Variants in FNDC3A observed in about 807,000 individuals in gnomAD.
FNDC3A encodes fibronectin type III domain containing 3A, also known as fibronectin type-III domain-containing protein 3A.
FNDC3A carries 32 observed loss-of-function variants against 148.9 expected under a neutral mutation model. The observed-to-expected ratio is 0.21, with a 90% CI of 0.16 to 0.29. The LOEUF is 0.29. Among genes scored for constraint, FNDC3A ranks in the 10% least tolerant of loss-of-function variants. The pLI is 1.00. For missense variants in FNDC3A, 1,191 were observed against 1,452.8 expected, an observed-to-expected ratio of 0.82 and a Z score of 2.93; for synonymous variants, 472 against 473.6, an observed-to-expected ratio of 1.00 and a Z score of 0.04.
At chr13:48,995,524 C>G (rs1952007537) in intron 1 of FNDC3A, among the ~76,000 whole-genome samples, 1 of 152,116 alleles carries the variant, frequency 6.6e-6, no homozygotes, top group South Asian at 2.1e-4. Context: ...TGATTAATAG[C>G]ACTGTCTTCT....
In FNDC3A at chr13:49,124,142, C is replaced by T. The variant is rs138613529; in HGVS notation, c.253-6995C>T. Among the ~76,000 whole-genome samples, 1,026 of 152,230 alleles carry T rather than the reference C, an allele frequency of 6.7e-3. 25 individuals carry two copies. The East Asian group carries it at 0.079, about 12-fold the overall frequency. Reference sequence around the variant, plus strand: ...TAAAGAAAATGTGGTGCATATACACCATGGAATAGTGTGCAGCCATAAAAA... The same window carrying T: ...TAAAGAAAATGTGGTGCATATACACTATGGAATAGTGTGCAGCCATAAAAA... On this transcript the variant is annotated intron_variant, in intron 4 of 25. Transcript: ENST00000492622.
At chr13:49,175,956 A>T (rs1204714878) in intron 13 of FNDC3A, among the ~76,000 whole-genome samples, 1 of 152,172 alleles carries the variant, frequency 6.6e-6, no homozygotes, top group African/African-American at 2.4e-5. Context: ...CGAGATAATC[A>T]TGTGGTTTTT....
chr13:48,995,186 A>T (rs752981494), intron 1 of FNDC3A, among the ~76,000 whole-genome samples: 21 of 152,166 alleles, frequency 1.4e-4, no homozygotes, highest in Non-Finnish European at 2.6e-4. Context: ...AAGTGCTGAG[A>T]TTACAGTCGT....
chr13:49,137,869 G>A (rs1202184068), intron 6 of FNDC3A, among the ~76,000 whole-genome samples: 3 of 152,130 alleles, frequency 2.0e-5, no homozygotes, highest in African/African-American at 7.2e-5. Flanking sequence ...ACGTAGATAT[G>A]CGTATGTAGA....
chr13:49,140,347 AAT>A, intron 7 of FNDC3A, among the ~76,000 whole-genome samples: 1 of 152,064 alleles, frequency 6.6e-6, no homozygotes, highest in Non-Finnish European at 1.5e-5. Context: ...TAAATAAATA[AAT>A]ATATATATAA....
chr13:49,185,899 G>T, intron 14 of FNDC3A, 65 bp from the exon 15 acceptor site: 1 of 1,284,908 alleles, frequency 7.8e-7, no homozygotes, highest in Non-Finnish European at 1.1e-6. Context: ...CTATCACTTT[G>T]TTTATTAAGC....
chr13:49,208,142 G>T lies in FNDC3A; in HGVS notation c.*747G>T, dbSNP rs962462452. The T allele has an allele frequency of 6.6e-6, 1 of 152,304 alleles. No individual in the cohort carries two copies. Among genetic ancestry groups the T allele is most frequent in the Admixed American group, 6.5e-5 (1 of 15,302 alleles). 9.4% of individuals were successfully genotyped at this position (152,304 alleles called of 1,614,324 possible). On this transcript the variant is annotated 3_prime_UTR_variant, in exon 26 of 26. Transcript: ENST00000492622. ...AGTGCTTTTAAATACTTTTTAGAAAGTAATCATAAAAGTAAATTGAATTTC... is the reference window on the plus strand; with the variant it reads ...AGTGCTTTTAAATACTTTTTAGAAATTAATCATAAAAGTAAATTGAATTTC...
chr13:48,989,969 C>T (rs922532951), intron 1 of FNDC3A, among the ~76,000 whole-genome samples: 2 of 152,000 alleles, frequency 1.3e-5, no homozygotes, highest in Non-Finnish European at 2.9e-5. Context: ...CCAGGATGGT[C>T]TCCATCTCTT....
At chr13:49,169,846 T>C (rs1054494914) in intron 10 of FNDC3A, among the ~76,000 whole-genome samples, 24 of 152,218 alleles carry the variant, frequency 1.6e-4, no homozygotes, top group African/African-American at 5.5e-4. Flanking sequence ...CAAGCAGCTG[T>C]GTATATATAC....
At chr13:49,175,947 G>A (rs1210261402) in intron 13 of FNDC3A, among the ~76,000 whole-genome samples, 1 of 152,164 alleles carries the variant, frequency 6.6e-6, no homozygotes, top group Non-Finnish European at 1.5e-5. Flanking sequence ...TGCATCTATC[G>A]AGATAATCAT....
intron 3 of FNDC3A, among the ~76,000 whole-genome samples, chr13:49,098,419 T>G (rs1879664213): frequency 1.3e-5 from 2 of 152,120 alleles, no homozygotes; most frequent in Non-Finnish European, 2.9e-5. Context: ...AAATCCTAAG[T>G]GCTCCTTCCT....
chr13:49,152,108 G>A (rs1439051433), intron 8 of FNDC3A, among the ~76,000 whole-genome samples: 2 of 152,136 alleles, frequency 1.3e-5, no homozygotes, highest in Admixed American at 6.6e-5. Flanking sequence ...GGGCTTGCTG[G>A]GTGAAATGGT....
At chr13:49,041,414 G>T (rs1167841776) in intron 2 of FNDC3A, among the ~76,000 whole-genome samples, 3 of 152,156 alleles carry the variant, frequency 2.0e-5, no homozygotes, top group African/African-American at 4.8e-5. Context: ...AAAACCTCAC[G>T]TTACAAGACC....
intron 2 of FNDC3A, among the ~76,000 whole-genome samples, chr13:49,069,799 TTACACTGCTTAAAATTATTAAAATGA>T (rs1877525212): frequency 6.6e-6 from 1 of 152,180 alleles, no homozygotes; most frequent in South Asian, 2.1e-4. Context: ...AAATCCAAAG[TTACACTGCTTAAAATTATTAAAATGA>T]AGCATATTTC....
At chr13:49,152,675 C>A (rs1381951725) in intron 8 of FNDC3A, among the ~76,000 whole-genome samples, 11 of 149,920 alleles carry the variant, frequency 7.3e-5, no homozygotes, top group African/African-American at 2.5e-4. Flanking sequence ...CCCCTACCCC[C>A]ACCCCACCAC....
intron 21 of FNDC3A, 40 bp from the exon 22 acceptor site, chr13:49,197,942 G>A: frequency 1.3e-6 from 2 of 1,597,580 alleles, no homozygotes; most frequent in African/African-American, 1.4e-5. Flanking sequence ...CATTTTCATG[G>A]TCATGACTTT....
chr13:49,012,450 G>C (rs1952369457), intron 2 of FNDC3A, among the ~76,000 whole-genome samples: 1 of 151,908 alleles, frequency 6.6e-6, no homozygotes, highest in African/African-American at 2.4e-5. Flanking sequence ...ACCAAGTCTT[G>C]GTATCTGGTA....
chr13:49,022,311 C>T (rs1191716903), intron 2 of FNDC3A, among the ~76,000 whole-genome samples: 2 of 152,064 alleles, frequency 1.3e-5, no homozygotes, highest in East Asian at 3.8e-4. Flanking sequence ...TAAAACAAAC[C>T]TAAAAACAAA....
At chr13:48,984,466 G>C (rs912553032) in intron 1 of FNDC3A, among the ~76,000 whole-genome samples, 1 of 152,084 alleles carries the variant, frequency 6.6e-6, no homozygotes, top group African/African-American at 2.4e-5. Context: ...AGTAGGAATA[G>C]GCATATTGAT....
Sources: allele counts gnomAD v4.1 joint callset (sites outside exome capture counted in the v4.1 genomes callset), GRCh38; gene constraint gnomAD v4.1.1; transcripts MANE v1.5; gene names NCBI Gene and HGNC (gene_info 2026-07-23, HGNC 2026-07-21).